AK9: variants seen among roughly 807,000 people sequenced by gnomAD.
AK9 encodes adenylate kinase domain containing 1.
In AK9, 191 loss-of-function variants were observed where a neutral mutation model predicts 239.6. The observed-to-expected ratio is 0.80, with a 90% CI of 0.71 to 0.90. AK9 has a LOEUF of 0.90. Ranked by LOEUF, AK9 falls within the 40% of genes least tolerant of loss-of-function variation. The pLI is 0.00. For missense variants in AK9, 1,995 were observed against 2,214.7 expected, an observed-to-expected ratio of 0.90 and a Z score of 1.99; for synonymous variants, 689 against 721.0, an observed-to-expected ratio of 0.96 and a Z score of 0.71.
Position 109,633,311 on chromosome 6 carries a change from GAAATAGCTCATCCTGTGAATTGC to G in AK9, c.934-11_945del, listed in dbSNP as rs761998799. On this transcript the variant is annotated splice_acceptor_variant and splice_polypyrimidine_tract_variant and coding_sequence_variant and intron_variant, in exon 11 of 41. Coordinates refer to ENST00000424296, the MANE Select transcript of AK9 (RefSeq NM_001145128.3). LOFTEE classifies it high-confidence loss of function. ...ATAAGTTTATAAGATGCAAGAGTAC[GAAATAGCTCATCCTGTGAATTGC>G]AAATACTACATTAAAAATATGGGCA... 4.4e-6 allele frequency: 7 copies of G among 1,598,904 alleles called. No individual in the cohort carries two copies. The highest frequency in any genetic ancestry group is 5.9e-6 in the Non-Finnish European group (7 of 1,177,402).
rs377494123 is a variant in AK9 at position 109,495,289 on chromosome 6, A to C, written c.5418+49T>G. 21 of 1,380,582 alleles carry C rather than the reference A, an allele frequency of 1.5e-5. No homozygotes were observed. In the African/African-American group the frequency reaches 2.9e-4, roughly 19 times the overall value. 85.5% of individuals were successfully genotyped at this position (1,380,582 alleles called of 1,614,324 possible). ...ATGAAAATTAGTGTTAAAAAGAAGA[A>C]GTCATTGTATTCTTCTAACATATAT... is the stretch of plus-strand genomic sequence containing the variant. On this transcript the variant is annotated intron_variant, in intron 39 of 40. Transcript: ENST00000424296.
At chr6:109,545,393 CAT>C (rs1234574926) in intron 26 of AK9, among the ~76,000 whole-genome samples, 5 of 152,312 alleles carry the variant, frequency 3.3e-5, no homozygotes, top group East Asian at 1.9e-4. Flanking sequence ...TGAATTCCCA[CAT>C]GTTATGGGAG....
chr6:109,629,718 C>T (rs951061672), intron 12 of AK9, among the ~76,000 whole-genome samples: 5 of 151,780 alleles, frequency 3.3e-5, no homozygotes, highest in Non-Finnish European at 7.4e-5. Flanking sequence ...CTGCAAGCTC[C>T]GCCTCCCGGG....
chr6:109,495,218 C>T, intron 39 of AK9, 120 bp downstream of exon 39: 1 of 760,856 alleles, frequency 1.3e-6, no homozygotes, highest in Non-Finnish European at 2.0e-6. Context: ...AGAGAATTTG[C>T]AGCTTAAAAT....
At chr6:109,609,324 T>C (rs1177768974) in intron 17 of AK9, among the ~76,000 whole-genome samples, 1 of 152,168 alleles carries the variant, frequency 6.6e-6, no homozygotes, top group Non-Finnish European at 1.5e-5. Context: ...CTTCATGGAA[T>C]TCCTACACCT....
Position 109,547,228 on chromosome 6 carries a change from A to T in AK9, c.2965-1101T>A, listed in dbSNP as rs1415660987. ...AATTGAGGTTCATGAAAATGGCCCAAATTATACAGAAGAGCTTAGATTGTG... is the reference window on the plus strand; with the variant it reads ...AATTGAGGTTCATGAAAATGGCCCATATTATACAGAAGAGCTTAGATTGTG... On this transcript the variant is annotated intron_variant, in intron 25 of 40. Transcript: ENST00000424296. Among the ~76,000 whole-genome samples, 3 of 152,332 alleles carry T rather than the reference A, an allele frequency of 2.0e-5. No homozygotes were observed. In the East Asian group the frequency reaches 5.8e-4, roughly 29 times the overall value.
intron 5 of AK9, among the ~76,000 whole-genome samples, chr6:109,663,949 T>TTCA (rs1800810559): frequency 6.6e-6 from 1 of 152,344 alleles, no homozygotes; most frequent in South Asian, 2.1e-4. Context: ...CTTCATGTAT[T>TTCA]TCAGCGAAAG....
intron 12 of AK9, among the ~76,000 whole-genome samples, chr6:109,623,104 G>A (rs1269192819): frequency 6.6e-6 from 1 of 151,916 alleles, no homozygotes; most frequent in African/African-American, 2.4e-5. Context: ...TCTGTGAATT[G>A]CCTGTTTGAT....
At chr6:109,607,442 ATAGTG>A (rs1247923227) in intron 17 of AK9, among the ~76,000 whole-genome samples, 1 of 152,222 alleles carries the variant, frequency 6.6e-6, no homozygotes, top group African/African-American at 2.4e-5. Flanking sequence ...CCTAAACAAT[ATAGTG>A]TAAACAACTA....
intron 9 of AK9, 158 bp downstream of exon 9, chr6:109,644,456 T>C (rs1005384002): frequency 3.7e-6 from 2 of 535,434 alleles, no homozygotes; most frequent in African/African-American, 4.1e-5. Context: ...GACAGATGAA[T>C]AAACAGAACA....
intron 15 of AK9, 95 bp from the exon 16 acceptor site, chr6:109,612,188 G>C (rs1390251995): frequency 1.4e-6 from 1 of 724,076 alleles, no homozygotes; most frequent in Non-Finnish European, 2.2e-6. Context: ...AGGGAACCAG[G>C]ACTCACATTC....
intron 9 of AK9, among the ~76,000 whole-genome samples, chr6:109,643,150 TTGTGTCA>T (rs2128289959): frequency 6.6e-6 from 1 of 152,250 alleles, no homozygotes; most frequent in African/African-American, 2.4e-5. Context: ...AAGTGATCTG[TTGTGTCA>T]AATGCTGCTT....
At chr6:109,625,017 AG>A (rs1320085706) in intron 12 of AK9, among the ~76,000 whole-genome samples, 7 of 152,024 alleles carry the variant, frequency 4.6e-5, no homozygotes, top group South Asian at 2.1e-4. Context: ...TTAATTTCAA[AG>A]GACTCTTTTT....
chr6:109,564,052 TAATA>T, intron 23 of AK9, 24 bp downstream of exon 23: 1 of 1,528,264 alleles, frequency 6.5e-7, no homozygotes, highest in East Asian at 2.5e-5. Flanking sequence ...CTGCTGTTGA[TAATA>T]AATGTTATGA....
intron 38 of AK9, among the ~76,000 whole-genome samples, chr6:109,495,932 T>C (rs1776985572): frequency 6.6e-6 from 1 of 152,170 alleles, no homozygotes; most frequent in Admixed American, 6.5e-5. Context: ...CACTTCCTTA[T>C]TGGGTCCTTC....
At chr6:109,611,049 T>A (rs1306249547) in intron 16 of AK9, among the ~76,000 whole-genome samples, 1 of 152,134 alleles carries the variant, frequency 6.6e-6, no homozygotes, top group Non-Finnish European at 1.5e-5. Context: ...TCAGGCTGCA[T>A]CATGATGTAA....
Position 109,532,901 on chromosome 6 carries a change from T to C in AK9, c.3570+350A>G, listed in dbSNP as rs181026096. ...AGGCTCACATGTCTTTGATGGATGG[T>C]GTCATCGCTCCAGGGGCAGCGAAAA... is the stretch of plus-strand genomic sequence containing the variant. On this transcript the variant is annotated intron_variant, in intron 28 of 40. Coordinates refer to ENST00000424296, the MANE Select transcript of AK9 (RefSeq NM_001145128.3). Among the ~76,000 whole-genome samples the C allele has an allele frequency of 2.4e-3, 372 of 152,282 alleles. 3 individuals carry two copies. Among genetic ancestry groups the C allele is most frequent in the East Asian group, 1.2e-3 (6 of 5,182 alleles).
intron 27 of AK9, 39 bp from the exon 28 acceptor site, chr6:109,533,509 A>G: frequency 2.7e-6 from 4 of 1,486,530 alleles, no homozygotes; most frequent in South Asian, 2.7e-5. Flanking sequence ...TTTCATTAAA[A>G]TGTTGTAATG....
intron 22 of AK9, 29 bp downstream of exon 22, chr6:109,564,727 C>A: frequency 6.8e-7 from 1 of 1,467,542 alleles, no homozygotes; most frequent in Non-Finnish European, 9.2e-7. Context: ...TACTTTTATG[C>A]AAGAACTACT....
Sources: gnomAD v4.1 joint callset for allele counts (sites outside exome capture counted in the v4.1 genomes callset) on GRCh38, gnomAD v4.1.1 for gene constraint, MANE v1.5 for transcripts, NCBI Gene and HGNC (gene_info 2026-07-23, HGNC 2026-07-21) for gene names.